NRG3: variants seen among roughly 807,000 people sequenced by gnomAD.
The protein encoded by NRG3 is neuregulin 3.
In NRG3, 31 loss-of-function variants were observed where a neutral mutation model predicts 66.9. The observed-to-expected ratio is 0.46, with a 90% CI of 0.35 to 0.63. NRG3 has a LOEUF of 0.63. NRG3 is among the 20% of genes least tolerant of loss of function. NRG3 has a pLI of 0.00. For synonymous variants in NRG3, 393 were observed against 359.4 expected (o/e 1.09, Z -1.06); for missense variants, 910 against 878.9 (o/e 1.04, Z -0.45).
At chr10:82,166,168 A>G (rs912383567) in intron 1 of NRG3, among the ~76,000 whole-genome samples, 1 of 151,974 alleles carries the variant, frequency 6.6e-6, no homozygotes, top group Non-Finnish European at 1.5e-5. Context: ...GATTACAGGC[A>G]TGCACCACCA....
chr10:82,312,495 A>G (rs962457044), intron 1 of NRG3, among the ~76,000 whole-genome samples: 1 of 152,198 alleles, frequency 6.6e-6, no homozygotes, highest in Admixed American at 6.5e-5. Flanking sequence ...TGTATCTTCT[A>G]CCTCACCAGC....
chr10:81,941,135 A>G lies in NRG3; in HGVS notation c.823+64972A>G, dbSNP rs1010938349. Reference sequence around the variant, plus strand: ...TTCCACCCATGTTGTTACATACCCTATTAACAGCATGCACAAGAGACAATT... The same window carrying G: ...TTCCACCCATGTTGTTACATACCCTGTTAACAGCATGCACAAGAGACAATT... On this transcript the variant is annotated intron_variant, in intron 1 of 8. Transcript: ENST00000372141. Among the ~76,000 whole-genome samples, 9 of 152,284 alleles carry G rather than the reference A, an allele frequency of 5.9e-5. 1 individual carries two copies. The South Asian group carries it at 1.9e-3, about 32-fold the overall frequency.
intron 6 of NRG3, among the ~76,000 whole-genome samples, chr10:82,960,785 C>T (rs2132459154): frequency 6.6e-6 from 1 of 152,198 alleles, no homozygotes; most frequent in African/African-American, 2.4e-5. Flanking sequence ...CAAAAAGCTC[C>T]CCCACTGAGC....
chr10:82,685,687 G>A (rs1208275418), intron 2 of NRG3, among the ~76,000 whole-genome samples: 3 of 151,400 alleles, frequency 2.0e-5, no homozygotes, highest in South Asian at 4.2e-4. Context: ...GTAATACTTA[G>A]TTTAAAATAC....
In NRG3 at chr10:81,875,727, C is replaced by T; in HGVS notation, c.387C>T (p.Thr129=). Residue 129 remains threonine (T), a synonymous_variant, in exon 1 of 9, where the codon ACC becomes ACT. Coordinates refer to ENST00000372141, the MANE Select transcript of NRG3 (RefSeq NM_001010848.4). This position sits in a 1 kb window ranked among gnomAD's most constrained non-coding sequence, Gnocchi z 5.3. ...TCCCCAAGGCCATGGAGACCACCAC[C>T]ACTACCACTTCCACCACGTCCCCCG... ...SSFPKAMETT[T]TTTSTTSPAT... is the part of the protein sequence containing the mutation. 3.7e-6 allele frequency: 6 copies of T among 1,613,382 alleles called. No individual in the cohort carries two copies. Among genetic ancestry groups the T allele is most frequent in the East Asian group, 2.2e-5 (1 of 44,822 alleles).
chr10:82,530,698 G>A (rs1180875309), intron 2 of NRG3, among the ~76,000 whole-genome samples: 2 of 151,858 alleles, frequency 1.3e-5, no homozygotes, highest in Non-Finnish European at 2.9e-5. Context: ...ATAAAGGAAA[G>A]ACTGAATGAA....
At chr10:82,773,481 A>G (rs1402860376) in intron 3 of NRG3, among the ~76,000 whole-genome samples, 1 of 152,172 alleles carries the variant, frequency 6.6e-6, no homozygotes, top group Non-Finnish European at 1.5e-5. Context: ...AATTTTGGAT[A>G]TTAATCCCTT....
At chr10:82,061,870 CAA>C (rs770556776) in intron 1 of NRG3, among the ~76,000 whole-genome samples, 37,608 of 147,244 alleles carry the variant, frequency 0.26, 4,978 homozygotes, top group Middle Eastern at 0.33. Flanking sequence ...CTCACACACA[CAA>C]ACACACACAC....
At chr10:82,627,681 G>A (rs1283934821) in intron 2 of NRG3, among the ~76,000 whole-genome samples, 6 of 152,074 alleles carry the variant, frequency 3.9e-5, no homozygotes, top group Non-Finnish European at 1.5e-5. Flanking sequence ...TGCCATTGCA[G>A]TTATTCTAAC....
At chr10:82,676,831 T>C (rs980314184) in intron 2 of NRG3, among the ~76,000 whole-genome samples, 1 of 151,968 alleles carries the variant, frequency 6.6e-6, no homozygotes. Flanking sequence ...TTTTTTTCTT[T>C]GAACGTTTTT....
At position 81,965,348 on chromosome 10, in the gene NRG3, T is replaced by C. The variant is rs115329868; in HGVS notation, c.823+89185T>C. 4.3e-3 allele frequency among the ~76,000 whole-genome samples: 659 copies of C among 152,370 alleles called. 4 individuals are homozygous for C. The highest frequency in any genetic ancestry group is 0.015 in the African/African-American group (623 of 41,588). On this transcript the variant is annotated intron_variant, in intron 1 of 8. Coordinates refer to ENST00000372141, the MANE Select transcript of NRG3 (RefSeq NM_001010848.4). ...CTTAGACAAATTCTTATCAGATGTGTAATATAGATCCAGGCCATCTGGCTT... is the reference window on the plus strand; with the variant it reads ...CTTAGACAAATTCTTATCAGATGTGCAATATAGATCCAGGCCATCTGGCTT...
chr10:82,667,292 C>T (rs184026538), intron 2 of NRG3, among the ~76,000 whole-genome samples: 1 of 152,272 alleles, frequency 6.6e-6, no homozygotes, highest in Admixed American at 6.5e-5. Context: ...TGAGGCAGTA[C>T]CATGGTTCTG....
intron 2 of NRG3, among the ~76,000 whole-genome samples, chr10:82,710,490 G>A (rs527924816): frequency 6.8e-6 from 1 of 148,136 alleles, no homozygotes; most frequent in African/African-American, 2.5e-5. Flanking sequence ...GGAGGCTGAG[G>A]CAGGAGAATT....
At chr10:82,103,287 G>C (rs991341897) in intron 1 of NRG3, among the ~76,000 whole-genome samples, 1 of 151,882 alleles carries the variant, frequency 6.6e-6, no homozygotes, top group Admixed American at 6.6e-5. Flanking sequence ...TCTATTCTTT[G>C]TATAGAATCT....
intron 2 of NRG3, among the ~76,000 whole-genome samples, chr10:82,425,470 T>C (rs2089366127): frequency 6.6e-6 from 1 of 152,094 alleles, no homozygotes; most frequent in Non-Finnish European, 1.5e-5. Flanking sequence ...GTTGTCCTTT[T>C]CTTTTCCCCA....
chr10:81,913,506 C>T (rs1440310002), intron 1 of NRG3, among the ~76,000 whole-genome samples: 1 of 151,996 alleles, frequency 6.6e-6, no homozygotes, highest in Non-Finnish European at 1.5e-5. Flanking sequence ...TCACTGCAAC[C>T]TCTGCCTCCC....
Position 82,619,476 on chromosome 10 carries a change from A to G in NRG3, c.954-119101A>G, listed in dbSNP as rs114758971. 8.9e-3 allele frequency among the ~76,000 whole-genome samples: 1,361 copies of G among 152,326 alleles called. 30 individuals carry two copies. The highest frequency in any genetic ancestry group is 0.031 in the African/African-American group (1,297 of 41,572). On this transcript the variant is annotated intron_variant, in intron 2 of 8. Transcript: ENST00000372141. ...AAGTGTAGCCTCATGCAAACCTTTA[A>G]AAAGAAAAATACCTGAGGAAAAATG...
chr10:82,934,771 G>T (rs1015535177), intron 4 of NRG3, among the ~76,000 whole-genome samples: 2 of 152,222 alleles, frequency 1.3e-5, no homozygotes, highest in Non-Finnish European at 2.9e-5. Context: ...TAAAAGAGAT[G>T]AGGCTTAAAA....
Position 82,574,080 on chromosome 10 carries a change from A to C in NRG3, c.954-164497A>C, listed in dbSNP as rs77719573. ...ATCAAAATACCAAAAAGATACCTGC[A>C]CTCCCATGTTTATGGCAGCACTATT... On this transcript the variant is annotated intron_variant, in intron 2 of 8. Transcript: ENST00000372141. Among the ~76,000 whole-genome samples, 8 of 151,752 alleles carry C rather than the reference A, an allele frequency of 5.3e-5. No individual in the cohort carries two copies. In the East Asian group the frequency reaches 1.6e-3, roughly 29 times the overall value.
Sources: allele counts gnomAD v4.1 joint callset (sites outside exome capture counted in the v4.1 genomes callset), GRCh38; gene constraint gnomAD v4.1.1; non-coding constraint Gnocchi (gnomAD v3.1); transcripts MANE v1.5; gene names NCBI Gene and HGNC (gene_info 2026-07-23, HGNC 2026-07-21).